The following CDH8 variants were observed in gnomAD, a reference collection of about 807,000 sequenced individuals.
CDH8 encodes cadherin-8.
CDH8 carries 17 observed loss-of-function variants against 68.1 expected under a neutral mutation model. The ratio of observed to expected loss-of-function variants is 0.25; its 90% CI spans 0.17 to 0.37. CDH8 has a LOEUF of 0.37. CDH8 is among the 10% of genes least tolerant of loss of function. The pLI, the probability that CDH8 is intolerant of heterozygous loss-of-function variation, is 1.00. For synonymous variants in CDH8, 372 were observed against 365.1 expected (o/e 1.02, Z -0.21); for missense variants, 763 against 999.3 (o/e 0.76, Z 3.19).
At position 61,674,798 on chromosome 16, in the gene CDH8, T is replaced by TTATA. The variant is rs555269965; in HGVS notation, c.1655-19081_1655-19078dup. ...TATGTACTTTTAAAACACATGGATG[T>TTATA]TATATAAATAATAAAATAATATCTG... On this transcript the variant is annotated intron_variant, in intron 10 of 11. Coordinates refer to ENST00000577390, the MANE Select transcript of CDH8 (RefSeq NM_001796.5). Among the ~76,000 whole-genome samples the TTATA allele has an allele frequency of 6.0e-4, 91 of 152,010 alleles. 3 individuals carry two copies. The East Asian group carries it at 0.016, about 27-fold the overall frequency.
Position 61,648,006 on chromosome 16 carries a change from C to T in CDH8, c.*5602G>A. The T allele has an allele frequency of 1.7e-6, 1 of 597,982 alleles. No individual in the cohort carries two copies. Among genetic ancestry groups the T allele is most frequent in the Non-Finnish European group, 3.0e-6 (1 of 335,340 alleles). 37.0% of individuals were successfully genotyped at this position (597,982 alleles called of 1,614,324 possible). On this transcript the variant is annotated 3_prime_UTR_variant, in exon 12 of 12. Transcript: ENST00000577390. ...GGTAACTCAAGTTGGGGAAATAGTA[C>T]CCAAAGGCACTATTTTCACCAGCAA... is the stretch of plus-strand genomic sequence containing the variant.
At chr16:61,681,366 C>G (rs1021481195) in intron 10 of CDH8, among the ~76,000 whole-genome samples, 1 of 151,900 alleles carries the variant, frequency 6.6e-6, no homozygotes, top group Non-Finnish European at 1.5e-5. Flanking sequence ...GGTCCTGATA[C>G]AAACCACAGC....
At chr16:61,905,455 T>A (rs1964045711) in intron 2 of CDH8, among the ~76,000 whole-genome samples, 2 of 151,842 alleles carry the variant, frequency 1.3e-5, no homozygotes, top group Admixed American at 1.3e-4. Flanking sequence ...TATATTTAAT[T>A]ATGGTTATTA....
chr16:61,761,008 T>G (rs1282761791), intron 8 of CDH8, among the ~76,000 whole-genome samples: 1 of 152,176 alleles, frequency 6.6e-6, no homozygotes, highest in Non-Finnish European at 1.5e-5. Context: ...CTGAAAATTA[T>G]TTTCCTCAAA....
chr16:62,015,134 C>T (rs1597127065), intron 2 of CDH8, among the ~76,000 whole-genome samples: 1 of 152,262 alleles, frequency 6.6e-6, no homozygotes, highest in Middle Eastern at 3.4e-3. Context: ...GAAAATTCCA[C>T]ACCTGACTTC....
chr16:61,766,650 CTGTTTGTT>C (rs35735694), intron 8 of CDH8, among the ~76,000 whole-genome samples: 112 of 151,124 alleles, frequency 7.4e-4, no homozygotes, highest in African/African-American at 2.5e-3. Flanking sequence ...CTGTCTATTT[CTGTTTGTT>C]TGTTTGTTTG....
At chr16:61,887,327 T>C (rs994337281) in intron 3 of CDH8, among the ~76,000 whole-genome samples, 2 of 152,180 alleles carry the variant, frequency 1.3e-5, no homozygotes, top group Non-Finnish European at 2.9e-5. Flanking sequence ...CAGGTGTTAT[T>C]CTTTATAGCA....
rs149121976 is a variant in CDH8, at chr16:61,947,712, A to T, written c.253-46239T>A. On this transcript the variant is annotated intron_variant, in intron 2 of 11. Coordinates refer to ENST00000577390, the MANE Select transcript of CDH8 (RefSeq NM_001796.5). ...TTTAACTCATTCTTTAAAAAGCTTC[A>T]TTCATTATTCTAGAGTATTACAAGT... Among the ~76,000 whole-genome samples the T allele has an allele frequency of 6.6e-3, 1,000 of 152,276 alleles. 8 individuals carry two copies. The highest frequency in any genetic ancestry group is 0.023 in the African/African-American group (963 of 41,554).
intron 2 of CDH8, among the ~76,000 whole-genome samples, chr16:61,948,256 C>T (rs1353760079): frequency 6.6e-6 from 1 of 152,142 alleles, no homozygotes; most frequent in Non-Finnish European, 1.5e-5. Flanking sequence ...TTTCTGATCT[C>T]CTGCTTCTCT....
intron 4 of CDH8, among the ~76,000 whole-genome samples, chr16:61,829,120 A>G (rs913371866): frequency 6.6e-6 from 1 of 151,800 alleles, no homozygotes; most frequent in Non-Finnish European, 1.5e-5. Flanking sequence ...ACCAATATAC[A>G]TTAACCTAGG....
At chr16:61,846,259 T>C (rs1293179033) in intron 4 of CDH8, among the ~76,000 whole-genome samples, 1 of 152,112 alleles carries the variant, frequency 6.6e-6, no homozygotes, top group Non-Finnish European at 1.5e-5. Flanking sequence ...ATGATCTCAT[T>C]GCCTTATATG....
At position 61,651,431 on chromosome 16, in the gene CDH8, G is replaced by C. The variant is rs996300459; in HGVS notation, c.*2177C>G. On this transcript the variant is annotated 3_prime_UTR_variant, in exon 12 of 12. Transcript: ENST00000577390. ...AAAAAGTTGATTAAGCCACCGGATAGTTATAAATTGTTAGTATAGTATTTA... is the reference window on the plus strand; with the variant it reads ...AAAAAGTTGATTAAGCCACCGGATACTTATAAATTGTTAGTATAGTATTTA... 6.6e-6 allele frequency: 1 copy of C among 152,174 alleles called. No homozygotes were observed. The highest frequency in any genetic ancestry group is 1.5e-5 in the Non-Finnish European group (1 of 68,032). 9.4% of individuals were successfully genotyped at this position (152,174 alleles called of 1,614,324 possible). A position where few individuals can be genotyped will look rare whatever the true frequency, so the allele number is the denominator to read the frequency against.
chr16:61,980,026 C>A (rs1965504650), intron 2 of CDH8, among the ~76,000 whole-genome samples: 1 of 152,056 alleles, frequency 6.6e-6, no homozygotes, highest in Admixed American at 6.5e-5. Context: ...AAAGTAGGAA[C>A]TAAAGAATAG....
At chr16:61,985,821 T>A (rs1965615117) in intron 2 of CDH8, among the ~76,000 whole-genome samples, 1 of 151,858 alleles carries the variant, frequency 6.6e-6, no homozygotes, top group South Asian at 2.1e-4. Context: ...AATAATGTTT[T>A]TAGTGGATTT....
At chr16:61,944,591 T>C (rs988324244) in intron 2 of CDH8, among the ~76,000 whole-genome samples, 38 of 152,320 alleles carry the variant, frequency 2.5e-4, no homozygotes, top group African/African-American at 8.9e-4. Context: ...ATTAAACATA[T>C]TAAATCAGTG....
chr16:61,990,914 AAGG>A (rs1204956156), intron 2 of CDH8, among the ~76,000 whole-genome samples: 2 of 151,302 alleles, frequency 1.3e-5, no homozygotes, highest in Admixed American at 6.6e-5. Context: ...AAGGAAAAGG[AAGG>A]AGGGAAGGAA....
At chr16:61,725,234 T>G (rs750003176) in intron 9 of CDH8, 58 of 150,340 alleles carry the variant, frequency 3.9e-4, no homozygotes, top group Non-Finnish European at 6.9e-4. Flanking sequence ...ATAGGAAAGA[T>G]GAGAAAACAA....
At chr16:62,021,874 T>C (rs1423466355) in intron 1 of CDH8, among the ~76,000 whole-genome samples, 2 of 152,136 alleles carry the variant, frequency 1.3e-5, no homozygotes, top group Non-Finnish European at 2.9e-5. Context: ...TGCTTCTTTC[T>C]TTCCCATCTC....
chr16:61,753,133 T>C (rs751307770), intron 8 of CDH8, among the ~76,000 whole-genome samples: 4 of 152,140 alleles, frequency 2.6e-5, no homozygotes, highest in Non-Finnish European at 5.9e-5. Context: ...ACTAACATCT[T>C]GTGTAGTTTT....
Sources: allele counts gnomAD v4.1 joint callset (sites outside exome capture counted in the v4.1 genomes callset), GRCh38; gene constraint gnomAD v4.1.1; transcripts MANE v1.5; gene names NCBI Gene and HGNC (gene_info 2026-07-23, HGNC 2026-07-21).